The following ZHX3 variants were observed in gnomAD, a reference collection of about 807,000 sequenced individuals.
ZHX3 encodes the protein zinc fingers and homeoboxes 3.
In ZHX3, 20 loss-of-function variants were observed where a neutral mutation model predicts 64.5. That is an observed-to-expected ratio of 0.31 (90% CI 0.22 to 0.45). The LOEUF is 0.45. Among genes scored for constraint, ZHX3 ranks in the 20% least tolerant of loss-of-function variants. The pLI is 1.00. For synonymous variants in ZHX3, 423 were observed against 461.6 expected, an observed-to-expected ratio of 0.92 and a Z score of 1.07; for missense variants, 1,041 against 1,195.8, an observed-to-expected ratio of 0.87 and a Z score of 1.91.
chr20:41,216,784 T>C (rs2039565336), intron 2 of ZHX3, among the ~76,000 whole-genome samples: 1 of 152,214 alleles, frequency 6.6e-6, no homozygotes, highest in Non-Finnish European at 1.5e-5. Flanking sequence ...AAATACAAAA[T>C]TGTCTTTCAA....
Position 41,204,049 on chromosome 20 carries a change from G to C in ZHX3, c.868C>G (p.Leu290Val). The change falls in exon 3 of 4, where the codon CTG becomes GTG. Residue 290 changes from leucine to valine, a missense_variant. Physicochemically the swap from Leu to Val is conservative, Grantham distance 32. Transcript: ENST00000683867. The surrounding 1 kb of genome is among the most constrained non-coding windows in gnomAD (Gnocchi z 6.6). Reference protein sequence around the residue: ...VHAQHHVHQPLPTAKALPKVM... With the variant: ...VHAQHHVHQPVPTAKALPKVM... ...TTGGGAAGGGCCTTGGCCGTGGGCA[G>C]TGGCTGGTGGACATGGTGTTGGGCA... The C allele has an allele frequency of 6.2e-7, 1 of 1,613,698 alleles. No individual in the cohort carries two copies.
At chr20:41,311,467 T>G (rs998626248) in intron 1 of ZHX3, among the ~76,000 whole-genome samples, 1 of 152,224 alleles carries the variant, frequency 6.6e-6, no homozygotes, top group Non-Finnish European at 1.5e-5. Context: ...ATAGTGGTTA[T>G]TAACAGAAGC....
At chr20:41,238,152 T>C (rs961143334) in intron 2 of ZHX3, among the ~76,000 whole-genome samples, 2 of 152,214 alleles carry the variant, frequency 1.3e-5, no homozygotes, top group Non-Finnish European at 2.9e-5. Flanking sequence ...ACCCAATTTG[T>C]TGCATGGGGA....
intron 2 of ZHX3, among the ~76,000 whole-genome samples, chr20:41,208,504 G>A (rs982815995): frequency 1.3e-5 from 2 of 152,178 alleles, no homozygotes; most frequent in South Asian, 4.2e-4. Flanking sequence ...CGACCAAGTT[G>A]GCTTCATACC....
intron 2 of ZHX3, among the ~76,000 whole-genome samples, chr20:41,259,125 T>A (rs931529808): frequency 2.0e-5 from 3 of 152,196 alleles, no homozygotes; most frequent in Non-Finnish European, 1.5e-5. Flanking sequence ...CCTCTTTTAA[T>A]ACCAATGGAG....
chr20:41,240,217 T>C (rs1041225779), intron 2 of ZHX3, among the ~76,000 whole-genome samples: 1 of 152,160 alleles, frequency 6.6e-6, no homozygotes, highest in African/African-American at 2.4e-5. Flanking sequence ...GCCAGGCTGG[T>C]CAACAGGCCA....
rs550865812 is a variant in ZHX3 at position 41,206,450 on chromosome 20, AGACCTTAAAT to A, written c.-150-1394_-150-1385del. On this transcript the variant is annotated intron_variant, in intron 2 of 3. Transcript: ENST00000683867. ...CTAACTAGAATGAACAGTGTAGAGA[AGACCTTAAAT>A]GACCTGATAGAGCTGAAAACCATGG... Among the ~76,000 whole-genome samples the A allele has an allele frequency of 3.0e-4, 45 of 152,344 alleles. 1 individual carries two copies. In the South Asian group the frequency reaches 8.9e-3, roughly 30 times the overall value.
intron 1 of ZHX3, among the ~76,000 whole-genome samples, chr20:41,290,749 T>C (rs767357194): frequency 1.4e-4 from 21 of 152,304 alleles, no homozygotes; most frequent in Non-Finnish European, 4.4e-5. Flanking sequence ...TCTTAACCAT[T>C]TGGCTACGAT....
chr20:41,261,631 C>T (rs957129066), intron 2 of ZHX3, among the ~76,000 whole-genome samples: 21 of 152,334 alleles, frequency 1.4e-4, no homozygotes, highest in African/African-American at 5.1e-4. Context: ...AAAGCTCTAG[C>T]CACCCCATGC....
At chr20:41,313,593 C>CTTTTTTT (rs58599783) in intron 1 of ZHX3, among the ~76,000 whole-genome samples, 27 of 103,758 alleles carry the variant, frequency 2.6e-4, no homozygotes, top group East Asian at 1.1e-3. Context: ...ACTTTTAGGC[C>CTTTTTTT]TTTTTTTTTT....
At chr20:41,192,150 C>A (rs948742987) in intron 3 of ZHX3, among the ~76,000 whole-genome samples, 1 of 152,146 alleles carries the variant, frequency 6.6e-6, no homozygotes, top group Admixed American at 6.5e-5. Context: ...ACAGGCTGGG[C>A]GGCCCATTCT....
Position 41,202,415 on chromosome 20 carries a change from G to A in ZHX3, c.2502C>T (p.Asn834=), listed in dbSNP as rs2038305466. Residue 834 remains asparagine (N), a synonymous_variant, in exon 3 of 4, where the codon AAC becomes AAT. Coordinates refer to ENST00000683867, the MANE Select transcript of ZHX3 (RefSeq NM_001384317.1). The surrounding 1 kb of genome is among the most constrained non-coding windows in gnomAD (Gnocchi z 7.0). ...LKWYEDYKRG[N]FPPGLLVIAP... ...CAATGACCAGTAGCCCTGGTGGGAAGTTGCCTCGCTTATAGTCTTCGTACC... is the reference window on the plus strand; with the variant it reads ...CAATGACCAGTAGCCCTGGTGGGAAATTGCCTCGCTTATAGTCTTCGTACC... 6.2e-7 allele frequency: 1 copy of A among 1,614,082 alleles called. No homozygotes were observed. The highest frequency in any genetic ancestry group is 1.7e-5 in the Admixed American group (1 of 60,014).
At chr20:41,269,582 C>CT (rs1469799955) in intron 1 of ZHX3, 1 of 151,486 alleles carries the variant, frequency 6.6e-6, no homozygotes, top group African/African-American at 2.4e-5. Flanking sequence ...CATCATGGCA[C>CT]TTTCGGTAAA....
intron 1 of ZHX3, among the ~76,000 whole-genome samples, chr20:41,281,357 G>C (rs1192436355): frequency 1.3e-5 from 2 of 152,142 alleles, no homozygotes; most frequent in Non-Finnish European, 2.9e-5. Flanking sequence ...GTGTACTGTA[G>C]CAAATTAAAT....
chr20:41,299,546 A>C (rs2044710549), intron 1 of ZHX3, among the ~76,000 whole-genome samples: 1 of 152,224 alleles, frequency 6.6e-6, no homozygotes, highest in East Asian at 1.9e-4. Flanking sequence ...AAAAAATTCA[A>C]GAGTAGAAAA....
At chr20:41,229,963 A>G (rs2040496597) in intron 2 of ZHX3, among the ~76,000 whole-genome samples, 1 of 152,048 alleles carries the variant, frequency 6.6e-6, no homozygotes, top group Non-Finnish European at 1.5e-5. Context: ...CAACTCTATT[A>G]TTTTCCATTA....
intron 1 of ZHX3, among the ~76,000 whole-genome samples, chr20:41,271,212 G>A (rs967464413): frequency 3.3e-5 from 5 of 152,076 alleles, no homozygotes; most frequent in African/African-American, 4.8e-5. Flanking sequence ...GTAGAGACGG[G>A]GTTTCACCAT....
chr20:41,271,624 G>C (rs2043153487), intron 1 of ZHX3, among the ~76,000 whole-genome samples: 1 of 152,002 alleles, frequency 6.6e-6, no homozygotes, highest in Non-Finnish European at 1.5e-5. Flanking sequence ...ACTGACTGTG[G>C]GCCAGAAGCA....
At chr20:41,236,944 T>C (rs1347521014) in intron 2 of ZHX3, among the ~76,000 whole-genome samples, 3 of 152,032 alleles carry the variant, frequency 2.0e-5, no homozygotes, top group African/African-American at 4.8e-5. Context: ...CATCAACAAG[T>C]GGGCAAAGGA....
Sources: gnomAD v4.1 joint callset for allele counts (sites outside exome capture counted in the v4.1 genomes callset) on GRCh38, gnomAD v4.1.1 for gene constraint, Gnocchi (gnomAD v3.1) non-coding constraint, MANE v1.5 for transcripts, NCBI Gene and HGNC (gene_info 2026-07-23, HGNC 2026-07-21) for gene names.